Variants in CSMD1 observed in about 807,000 individuals in gnomAD.
CSMD1 encodes CUB and Sushi multiple domains 1, also known as CUB and sushi domain-containing protein 1.
A neutral mutation model predicts 417.5 loss-of-function variants in CSMD1; 213 were observed. That is an observed-to-expected ratio of 0.51 (90% CI 0.46 to 0.57). The LOEUF is 0.57. CSMD1 is among the 20% of genes least tolerant of loss of function. The pLI, the probability that CSMD1 is intolerant of heterozygous loss-of-function variation, is 0.00. For synonymous variants in CSMD1, 2,862 were observed against 1,736.8 expected (o/e 1.65, Z -16.11); for missense variants, 6,923 against 4,529.7 (o/e 1.53, Z -15.17).
chr8:3,426,784 G>A (rs1813868784), intron 12 of CSMD1, among the ~76,000 whole-genome samples: 1 of 152,112 alleles, frequency 6.6e-6, no homozygotes, highest in Non-Finnish European at 1.5e-5. Flanking sequence ...TATTTAATGG[G>A]TTGTGCCCAG....
intron 5 of CSMD1, among the ~76,000 whole-genome samples, chr8:3,772,706 C>T (rs1798683796): frequency 6.8e-6 from 1 of 148,114 alleles, no homozygotes; most frequent in African/African-American, 2.5e-5. Context: ...TATATACACA[C>T]ACACATATAT....
Position 3,968,144 on chromosome 8 carries a change from C to T in CSMD1, c.818+29759G>A, listed in dbSNP as rs111314863. Among the ~76,000 whole-genome samples the T allele has an allele frequency of 8.6e-3, 1,310 of 151,828 alleles. 12 individuals are homozygous for T. Among genetic ancestry groups the T allele is most frequent in the Non-Finnish European group, 0.014 (952 of 67,964 alleles). ...AGAGCTTGCAGTGAGCCGAGATCGA[C>T]CCACTGCACTCCAGCCTGGGTGACA... On this transcript the variant is annotated intron_variant, in intron 5 of 69. Coordinates refer to ENST00000635120, the MANE Select transcript of CSMD1 (RefSeq NM_033225.6).
At chr8:3,301,244 C>T (rs1171197087) in intron 25 of CSMD1, among the ~76,000 whole-genome samples, 4 of 151,912 alleles carry the variant, frequency 2.6e-5, no homozygotes, top group South Asian at 4.2e-4. Context: ...TGCAAGGCAG[C>T]GTTTGCAGGG....
chr8:3,148,979 T>G (rs776803834), intron 40 of CSMD1, among the ~76,000 whole-genome samples: 3 of 152,222 alleles, frequency 2.0e-5, no homozygotes, highest in Non-Finnish European at 4.4e-5. Flanking sequence ...TGAGATAAAG[T>G]TTCTTTTCTC....
intron 5 of CSMD1, among the ~76,000 whole-genome samples, chr8:3,844,673 A>C (rs1270491027): frequency 1.3e-5 from 2 of 152,178 alleles, no homozygotes; most frequent in African/African-American, 2.4e-5. Context: ...ATTTGAATTC[A>C]TCATTGTCGG....
chr8:3,188,299 C>T (rs1796200547), intron 35 of CSMD1, among the ~76,000 whole-genome samples: 1 of 110,472 alleles, frequency 9.1e-6, no homozygotes, highest in African/African-American at 3.1e-5. Context: ...TTTTTCTTTT[C>T]CTTTCTTTTT....
intron 2 of CSMD1, among the ~76,000 whole-genome samples, chr8:4,572,483 T>A (rs765193109): frequency 7.9e-5 from 12 of 152,216 alleles, no homozygotes; most frequent in Non-Finnish European, 1.8e-4. Flanking sequence ...TGCAGAGAGA[T>A]CCACTGTTAG....
At chr8:4,633,797 G>C (rs1163755751) in intron 2 of CSMD1, among the ~76,000 whole-genome samples, 1 of 151,960 alleles carries the variant, frequency 6.6e-6, no homozygotes, top group East Asian at 1.9e-4. Context: ...CTGACCTCAG[G>C]TGATCCACCC....
intron 1 of CSMD1, among the ~76,000 whole-genome samples, chr8:4,806,117 T>A (rs1798571208): frequency 1.3e-5 from 2 of 152,074 alleles, no homozygotes; most frequent in African/African-American, 4.8e-5. Context: ...AGCAAAAACG[T>A]TTAATTACCT....
At chr8:3,378,049 T>C (rs529992804) in intron 18 of CSMD1, among the ~76,000 whole-genome samples, 1 of 152,298 alleles carries the variant, frequency 6.6e-6, no homozygotes, top group African/African-American at 2.4e-5. Context: ...TGAAAATGAT[T>C]TAAATAATGC....
At chr8:4,241,187 T>C (rs1802376639) in intron 3 of CSMD1, among the ~76,000 whole-genome samples, 1 of 152,128 alleles carries the variant, frequency 6.6e-6, no homozygotes, top group Admixed American at 6.5e-5. Flanking sequence ...GATCGTGAAC[T>C]CTCCAGTCAA....
intron 2 of CSMD1, among the ~76,000 whole-genome samples, chr8:4,497,177 G>C (rs1354536753): frequency 6.6e-6 from 1 of 152,080 alleles, no homozygotes; most frequent in African/African-American, 2.4e-5. Context: ...ATATTCCAGA[G>C]CATGTGGTCT....
intron 1 of CSMD1, among the ~76,000 whole-genome samples, chr8:4,898,374 A>ATT (rs112699140): frequency 0.012 from 1,791 of 152,104 alleles, 21 homozygotes; most frequent in African/African-American, 0.022. Context: ...CACACCTGCC[A>ATT]TTTTTTTGCA....
At chr8:4,392,659 A>AT (rs1454019710) in intron 3 of CSMD1, among the ~76,000 whole-genome samples, 2 of 150,274 alleles carry the variant, frequency 1.3e-5, no homozygotes, top group African/African-American at 2.5e-5. Context: ...TATTATTATT[A>AT]TTATTATTTT....
chr8:3,722,368 G>C (rs971755750), intron 6 of CSMD1, among the ~76,000 whole-genome samples: 5 of 152,098 alleles, frequency 3.3e-5, no homozygotes, highest in African/African-American at 1.2e-4. Flanking sequence ...ACGAAGTTGA[G>C]GGTCACTTTA....
chr8:4,364,408 C>G (rs2128909133), intron 3 of CSMD1, among the ~76,000 whole-genome samples: 1 of 152,214 alleles, frequency 6.6e-6, no homozygotes, highest in East Asian at 1.9e-4. Flanking sequence ...TCCATTATTG[C>G]CCTAGTCCAT....
At chr8:4,618,075 C>T (rs908678459) in intron 2 of CSMD1, among the ~76,000 whole-genome samples, 2 of 152,148 alleles carry the variant, frequency 1.3e-5, no homozygotes, top group African/African-American at 4.8e-5. Flanking sequence ...CCACATCATG[C>T]TGAATTTTTT....
At chr8:4,232,537 A>C (rs771597471) in intron 3 of CSMD1, among the ~76,000 whole-genome samples, 12 of 152,204 alleles carry the variant, frequency 7.9e-5, no homozygotes, top group Non-Finnish European at 1.8e-4. Context: ...TATGAAGAAT[A>C]ATTGACTTGG....
At chr8:3,952,151 G>T (rs1052529062) in intron 5 of CSMD1, among the ~76,000 whole-genome samples, 1 of 152,120 alleles carries the variant, frequency 6.6e-6, no homozygotes, top group South Asian at 2.1e-4. Flanking sequence ...TATGGTCGCA[G>T]AAACCTTCAA....
Sources: allele counts gnomAD v4.1 joint callset (sites outside exome capture counted in the v4.1 genomes callset), GRCh38; gene constraint gnomAD v4.1.1; transcripts MANE v1.5; gene names NCBI Gene and HGNC (gene_info 2026-07-23, HGNC 2026-07-21).